ELF2: variants seen among roughly 807,000 people sequenced by gnomAD.
ELF2 encodes E74 like ETS transcription factor 2, also known as ETS-related transcription factor Elf-2.
Under a neutral mutation model 54.8 loss-of-function variants are expected in ELF2, and 11 were observed. That is an observed-to-expected ratio of 0.20 (90% CI 0.13 to 0.33). The LOEUF (loss-of-function observed/expected upper bound fraction) is 0.33. Ranked by LOEUF, ELF2 falls within the 10% of genes least tolerant of loss-of-function variation. The probability of loss-of-function intolerance (pLI) is 1.00; values close to 1 mark genes in which losing one functional copy is unlikely to be tolerated. For missense variants in ELF2, 513 were observed against 703.0 expected (o/e 0.73, Z 3.06); for synonymous variants, 203 against 245.1 (o/e 0.83, Z 1.61).
chr4:139,168,201 C>A (rs745403215), intron 1 of ELF2, among the ~76,000 whole-genome samples: 23 of 152,176 alleles, frequency 1.5e-4, no homozygotes, highest in Non-Finnish European at 2.6e-4. Flanking sequence ...GAAGTTGAGA[C>A]TCATACGCAA....
intron 1 of ELF2, among the ~76,000 whole-genome samples, chr4:139,149,613 C>CA (rs916247397): frequency 9.2e-5 from 14 of 151,804 alleles, no homozygotes; most frequent in African/African-American, 3.4e-4. Context: ...GACTCCGTCT[C>CA]AAAAAAATAC....
chr4:139,116,583 T>G (rs750886741), intron 4 of ELF2: 14 of 766,140 alleles, frequency 1.8e-5, no homozygotes, highest in Non-Finnish European at 2.2e-5. Context: ...ATGGTAAAGG[T>G]AGATGAAATA....
rs78885018 is a variant in ELF2, at chr4:139,175,789, G to A, written c.-252+1178C>T. Among the ~76,000 whole-genome samples, 8 of 152,274 alleles carry A rather than the reference G, an allele frequency of 5.3e-5. No individual in the cohort carries two copies. In the East Asian group the frequency reaches 1.4e-3, roughly 26 times the overall value. On this transcript the variant is annotated intron_variant, in intron 1 of 9. Transcript: ENST00000686138. ...ATGTTCATGAACACAAGAAAGGGGG[G>A]AATTTTTAACAGTTTTACAATGACG...
chr4:139,065,157 C>T (rs553782903), intron 7 of ELF2, among the ~76,000 whole-genome samples: 89 of 152,246 alleles, frequency 5.8e-4, no homozygotes, highest in African/African-American at 1.9e-3. Context: ...TTGAATTAAA[C>T]TCATCAAAAT....
intron 4 of ELF2, among the ~76,000 whole-genome samples, chr4:139,077,640 C>T (rs941569114): frequency 1.3e-5 from 2 of 152,150 alleles, no homozygotes; most frequent in East Asian, 3.9e-4. Context: ...ATTTCTCCTA[C>T]TTGTGTCTGT....
At chr4:139,080,278 T>A (rs1214157674) in intron 4 of ELF2, among the ~76,000 whole-genome samples, 4 of 152,206 alleles carry the variant, frequency 2.6e-5, no homozygotes, top group Non-Finnish European at 4.4e-5. Flanking sequence ...ATTTCTTAAA[T>A]TCATTTTCAA....
At chr4:139,101,934 G>A (rs932514027) in intron 4 of ELF2, 14 of 150,292 alleles carry the variant, frequency 9.3e-5, no homozygotes, top group Admixed American at 2.0e-4. Flanking sequence ...AAAGCTTAAT[G>A]TTGTAAACCT....
At chr4:139,176,397 GCCC>G (rs11286620) in intron 1 of ELF2, among the ~76,000 whole-genome samples, 1 of 150,204 alleles carries the variant, frequency 6.7e-6, no homozygotes, top group Admixed American at 6.6e-5. Context: ...GGTGTCCAGC[GCCC>G]CCCCCCGCCT....
intron 5 of ELF2, among the ~76,000 whole-genome samples, chr4:139,072,967 T>A (rs1729734629): frequency 6.6e-6 from 1 of 152,188 alleles, no homozygotes; most frequent in Admixed American, 6.5e-5. Flanking sequence ...ATCAAAGTTT[T>A]TCTTAAAGAC....
At chr4:139,101,253 A>T (rs999116336) in intron 4 of ELF2, among the ~76,000 whole-genome samples, 23 of 152,144 alleles carry the variant, frequency 1.5e-4, no homozygotes, top group Non-Finnish European at 3.2e-4. Context: ...GAGTTTCTTT[A>T]CAGGAGGGGC....
At chr4:139,090,913 G>GTTTGTTTTGT (rs60267592) in intron 4 of ELF2, among the ~76,000 whole-genome samples, 98 of 149,662 alleles carry the variant, frequency 6.5e-4, no homozygotes, top group African/African-American at 2.3e-3. Flanking sequence ...ATAGTATATG[G>GTTTGTTTTGT]TTTGTTTTGT....
At chr4:139,164,161 A>C (rs1741478152) in intron 1 of ELF2, among the ~76,000 whole-genome samples, 1 of 147,856 alleles carries the variant, frequency 6.8e-6, no homozygotes, top group Non-Finnish European at 1.5e-5. Context: ...GAAAGAAAGA[A>C]GGAAAAGAAA....
At chr4:139,109,841 G>A (rs978052242) in intron 4 of ELF2, among the ~76,000 whole-genome samples, 2 of 152,120 alleles carry the variant, frequency 1.3e-5, no homozygotes, top group Non-Finnish European at 2.9e-5. Flanking sequence ...AACAGAGGGA[G>A]GGAGAAAGGA....
At chr4:139,090,918 T>G (rs145700074) in intron 4 of ELF2, among the ~76,000 whole-genome samples, 2 of 1,876 alleles carry the variant, frequency 1.1e-3, no homozygotes, top group South Asian at 0.021. Flanking sequence ...ATATGGTTTG[T>G]TTTGTTTTGT....
At chr4:139,112,684 C>T (rs1365774989) in intron 4 of ELF2, among the ~76,000 whole-genome samples, 1 of 152,088 alleles carries the variant, frequency 6.6e-6, no homozygotes, top group African/African-American at 2.4e-5. Flanking sequence ...TATTTAGATA[C>T]ACTGTTGTAT....
intron 4 of ELF2, among the ~76,000 whole-genome samples, chr4:139,119,403 G>C (rs904847367): frequency 2.0e-5 from 3 of 152,102 alleles, no homozygotes; most frequent in Non-Finnish European, 4.4e-5. Flanking sequence ...CTTCATCAAC[G>C]GGATTCCTAT....
chr4:139,092,510 C>G (rs777678900), intron 4 of ELF2, among the ~76,000 whole-genome samples: 1 of 151,568 alleles, frequency 6.6e-6, no homozygotes, highest in Non-Finnish European at 1.5e-5. Context: ...CTAATCCCAC[C>G]ACTTTGAGAG....
At chr4:139,092,674 G>A (rs1490608041) in intron 4 of ELF2, among the ~76,000 whole-genome samples, 4 of 151,896 alleles carry the variant, frequency 2.6e-5, no homozygotes, top group Admixed American at 6.5e-5. Flanking sequence ...GGCGGTGGCC[G>A]CCTGTAGTCC....
intron 1 of ELF2, among the ~76,000 whole-genome samples, chr4:139,140,948 C>T (rs1467824629): frequency 6.6e-6 from 1 of 152,110 alleles, no homozygotes; most frequent in East Asian, 1.9e-4. Context: ...TCAACTGAAA[C>T]TTTTACTAAA....
Sources: allele counts gnomAD v4.1 joint callset (sites outside exome capture counted in the v4.1 genomes callset), GRCh38; gene constraint gnomAD v4.1.1; transcripts MANE v1.5; gene names NCBI Gene and HGNC (gene_info 2026-07-23, HGNC 2026-07-21).